Variants in RELN observed in about 807,000 individuals in gnomAD.
The protein encoded by RELN is reelin.
In RELN, 108 loss-of-function variants were observed where a neutral mutation model predicts 427.6. The observed-to-expected ratio is 0.25, with a 90% CI of 0.22 to 0.30. The LOEUF (loss-of-function observed/expected upper bound fraction) is 0.30. Ranked by LOEUF, RELN falls within the 10% of genes least tolerant of loss-of-function variation. The pLI, the probability that RELN is intolerant of heterozygous loss-of-function variation, is 1.00. For missense variants in RELN, 3,715 were observed against 4,302.8 expected, an observed-to-expected ratio of 0.86 and a Z score of 3.82; for synonymous variants, 1,524 against 1,513.4, an observed-to-expected ratio of 1.01 and a Z score of -0.16.
At chr7:103,929,980 A>G (rs932942754) in intron 1 of RELN, among the ~76,000 whole-genome samples, 1 of 152,266 alleles carries the variant, frequency 6.6e-6, no homozygotes, top group African/African-American at 2.4e-5. Context: ...GGAACATGCA[A>G]ATAATGAGGA....
chr7:103,897,702 C>G (rs1794991730), intron 2 of RELN, among the ~76,000 whole-genome samples: 1 of 152,048 alleles, frequency 6.6e-6, no homozygotes, highest in South Asian at 2.1e-4. Context: ...ATCTAGAATT[C>G]TGCACACAGA....
intron 3 of RELN, among the ~76,000 whole-genome samples, chr7:103,792,513 T>A (rs1303204209): frequency 8.3e-6 from 1 of 120,450 alleles, no homozygotes; most frequent in African/African-American, 3.4e-5. Flanking sequence ...ATGTCCAGAA[T>A]AGGCAATTCT....
chr7:103,936,766 A>G (rs1007733634), intron 1 of RELN, among the ~76,000 whole-genome samples: 3 of 151,370 alleles, frequency 2.0e-5, no homozygotes, highest in Non-Finnish European at 3.0e-5. Context: ...ACACACACAC[A>G]CACACACACT....
intron 22 of RELN, among the ~76,000 whole-genome samples, chr7:103,608,284 A>G (rs2117283267): frequency 6.6e-6 from 1 of 152,358 alleles, no homozygotes; most frequent in African/African-American, 2.4e-5. Flanking sequence ...TATAGATCCA[A>G]AAACAATGAC....
At chr7:103,895,220 G>A (rs1229585949) in intron 2 of RELN, among the ~76,000 whole-genome samples, 1 of 152,030 alleles carries the variant, frequency 6.6e-6, no homozygotes, top group African/African-American at 2.4e-5. Context: ...TAGCATTAGA[G>A]GGCTGTACAT....
intron 29 of RELN, among the ~76,000 whole-genome samples, 172 bp from the exon 30 acceptor site, chr7:103,574,471 T>C (rs1315679535): frequency 6.6e-6 from 1 of 152,202 alleles, no homozygotes. Flanking sequence ...ATCACTACCA[T>C]CATCAAAAAC....
intron 51 of RELN, among the ~76,000 whole-genome samples, chr7:103,505,722 G>A (rs886697846): frequency 6.6e-6 from 1 of 152,168 alleles, no homozygotes; most frequent in Admixed American, 6.5e-5. Flanking sequence ...GGAACAAAAC[G>A]AGATGGAGAA....
intron 1 of RELN, among the ~76,000 whole-genome samples, chr7:103,965,881 C>A (rs1015874394): frequency 6.6e-6 from 1 of 151,992 alleles, no homozygotes; most frequent in East Asian, 1.9e-4. Context: ...TTATTGAAAC[C>A]AATATGCTCT....
chr7:103,539,746 G>T (rs1830137056), intron 44 of RELN, among the ~76,000 whole-genome samples: 1 of 152,196 alleles, frequency 6.6e-6, no homozygotes, highest in African/African-American at 2.4e-5. Context: ...AGTTCTATTT[G>T]ATATACATCT....
intron 3 of RELN, among the ~76,000 whole-genome samples, chr7:103,825,245 A>G (rs1022190196): frequency 4.6e-5 from 7 of 152,066 alleles, no homozygotes; most frequent in African/African-American, 1.7e-4. Flanking sequence ...GAAGTGGAAG[A>G]TCAGCAAGGG....
rs553247951 is a variant in RELN at position 103,988,632 on chromosome 7, A to T, written c.226+499T>A. Among the ~76,000 whole-genome samples the T allele has an allele frequency of 6.6e-6, 1 of 152,284 alleles. No individual in the cohort carries two copies. The highest frequency in any genetic ancestry group is 1.5e-5 in the Non-Finnish European group (1 of 68,026). ...GGACTCCTGGCTGGTGAGCAGCGGG[A>T]ACTTTGCGGTCGAGCGGCGCGGGGC... On this transcript the variant is annotated intron_variant, in intron 1 of 64. Coordinates refer to ENST00000428762, the MANE Select transcript of RELN (RefSeq NM_005045.4). This position sits in a 1 kb window ranked among gnomAD's most constrained non-coding sequence, Gnocchi z 4.9.
chr7:103,498,849 C>CCAAA (rs1322181149), intron 53 of RELN, among the ~76,000 whole-genome samples: 2 of 151,954 alleles, frequency 1.3e-5, no homozygotes, highest in Non-Finnish European at 2.9e-5. Flanking sequence ...GCATATACCC[C>CCAAA]CAAACATGTA....
chr7:103,837,420 T>G (rs1440653424), intron 2 of RELN, among the ~76,000 whole-genome samples: 2 of 152,186 alleles, frequency 1.3e-5, no homozygotes, highest in African/African-American at 4.8e-5. Context: ...TCTCAAGCAC[T>G]AGTGGCTGAG....
intron 62 of RELN, among the ~76,000 whole-genome samples, chr7:103,483,340 C>T (rs906188546): frequency 6.6e-6 from 1 of 152,170 alleles, no homozygotes; most frequent in African/African-American, 2.4e-5. Flanking sequence ...AGCACACCAG[C>T]AGAAAATAAA....
intron 20 of RELN, among the ~76,000 whole-genome samples, chr7:103,617,322 T>A (rs994095267): frequency 2.0e-5 from 3 of 152,200 alleles, no homozygotes; most frequent in African/African-American, 7.2e-5. Flanking sequence ...TTGTAATGTT[T>A]TGTTTCTTTA....
At chr7:103,628,620 G>A (rs1249624705) in intron 20 of RELN, among the ~76,000 whole-genome samples, 3 of 152,138 alleles carry the variant, frequency 2.0e-5, no homozygotes, top group Non-Finnish European at 2.9e-5. Flanking sequence ...ACAATAGTGT[G>A]TAAAATTTAC....
intron 7 of RELN, 61 bp downstream of exon 7, chr7:103,728,050 G>A (rs1790257683): frequency 1.0e-5 from 16 of 1,543,446 alleles, no homozygotes; most frequent in Admixed American, 1.7e-5. Context: ...AAAAACTTTT[G>A]TTGGCAAAAA....
At chr7:103,635,273 G>T in intron 19 of RELN, 152 bp downstream of exon 19, 1 of 722,528 alleles carries the variant, frequency 1.4e-6, no homozygotes, top group Non-Finnish European at 2.3e-6. Context: ...TGGATGGGTT[G>T]GCTTGGTAGT....
At chr7:103,763,635 T>G (rs572647206) in intron 4 of RELN, among the ~76,000 whole-genome samples, 14 of 152,242 alleles carry the variant, frequency 9.2e-5, no homozygotes, top group African/African-American at 3.4e-4. Context: ...GGAAAGGAGT[T>G]GGCATATATG....
Sources: gnomAD v4.1 joint callset for allele counts (sites outside exome capture counted in the v4.1 genomes callset) on GRCh38, gnomAD v4.1.1 for gene constraint, Gnocchi (gnomAD v3.1) non-coding constraint, MANE v1.5 for transcripts, NCBI Gene and HGNC (gene_info 2026-07-23, HGNC 2026-07-21) for gene names.